Variants in GPC5 observed in about 807,000 individuals in gnomAD.
The protein encoded by GPC5 is glypican 5, also known as glypican-5.
A neutral mutation model predicts 53.9 loss-of-function variants in GPC5; 47 were observed. The observed-to-expected ratio is 0.87, with a 90% CI of 0.69 to 1.11. The LOEUF is 1.11. GPC5 is among the 50% of genes most tolerant of loss of function. GPC5 has a pLI of 0.00. For missense variants in GPC5, 748 were observed against 713.1 expected (o/e 1.05, Z -0.56); for synonymous variants, 286 against 263.3 (o/e 1.09, Z -0.84).
At chr13:92,572,400 C>T (rs550099718) in intron 7 of GPC5, among the ~76,000 whole-genome samples, 5 of 152,042 alleles carry the variant, frequency 3.3e-5, no homozygotes, top group Middle Eastern at 3.2e-3. Flanking sequence ...TTTGGCCTTT[C>T]GCCAAAAGCT....
chr13:92,314,600 T>A (rs73629661), intron 7 of GPC5, among the ~76,000 whole-genome samples: 2 of 152,202 alleles, frequency 1.3e-5, no homozygotes, highest in Non-Finnish European at 2.9e-5. Context: ...ATTCCAGTCA[T>A]GTTGTGGGAC....
At chr13:92,396,515 T>A (rs1875281574) in intron 7 of GPC5, among the ~76,000 whole-genome samples, 1 of 151,964 alleles carries the variant, frequency 6.6e-6, no homozygotes, top group Non-Finnish European at 1.5e-5. Flanking sequence ...TTTTTTCATC[T>A]TAATGACTTT....
intron 6 of GPC5, among the ~76,000 whole-genome samples, chr13:92,045,674 T>G (rs2040976484): frequency 6.6e-6 from 1 of 152,086 alleles, no homozygotes; most frequent in South Asian, 2.1e-4. Flanking sequence ...CTGAGGAGGA[T>G]TTATAATTAA....
At chr13:92,125,924 G>GTTT (rs1190169532) in intron 6 of GPC5, among the ~76,000 whole-genome samples, 2 of 75,820 alleles carry the variant, frequency 2.6e-5, no homozygotes, top group African/African-American at 1.1e-4. Context: ...TTGTTTTTTG[G>GTTT]TTTTTTTTTT....
chr13:92,573,037 T>C (rs1883080378), intron 7 of GPC5, among the ~76,000 whole-genome samples: 1 of 152,246 alleles, frequency 6.6e-6, no homozygotes, highest in Non-Finnish European at 1.5e-5. Context: ...ACTTTACCAA[T>C]AATTGTTCTC....
At chr13:92,551,539 G>A (rs9523712) in intron 7 of GPC5, among the ~76,000 whole-genome samples, 8,012 of 151,888 alleles carry the variant, frequency 0.053, 317 homozygotes, top group Non-Finnish European at 0.087. Flanking sequence ...TTCATCTGAA[G>A]GAGCTATTAA....
At chr13:92,342,873 GTATT>G in intron 7 of GPC5, among the ~76,000 whole-genome samples, 2 of 152,120 alleles carry the variant, frequency 1.3e-5, no homozygotes, top group East Asian at 3.9e-4. Context: ...TCTCTTCAGT[GTATT>G]TATTTAGATC....
chr13:92,777,399 C>A (rs1291826061), intron 7 of GPC5, among the ~76,000 whole-genome samples: 1 of 150,124 alleles, frequency 6.7e-6, no homozygotes, highest in Non-Finnish European at 1.5e-5. Context: ...CTTTGGGAGG[C>A]CAAGGCAGGC....
In GPC5 at chr13:92,856,596, C is replaced by A. The variant is rs74382847; in HGVS notation, c.1562-9686C>A. On this transcript the variant is annotated intron_variant, in intron 7 of 7. Transcript: ENST00000377067. ...TATGCCTAAAAAATTCTAAAGAATG[C>A]CAAAAGTCTCCTAAACCTGATAAGC... 6.4e-3 allele frequency among the ~76,000 whole-genome samples: 973 copies of A among 152,068 alleles called. 14 individuals carry two copies. The highest frequency in any genetic ancestry group is 0.022 in the African/African-American group (922 of 41,516).
intron 3 of GPC5, among the ~76,000 whole-genome samples, chr13:91,698,874 CAAT>C (rs1419890370): frequency 1.3e-5 from 2 of 152,072 alleles, no homozygotes; most frequent in Non-Finnish European, 2.9e-5. Flanking sequence ...GACACTTTCA[CAAT>C]AATAAGAAGG....
intron 7 of GPC5, among the ~76,000 whole-genome samples, chr13:92,640,108 C>G (rs1318167026): frequency 6.6e-6 from 1 of 151,420 alleles, no homozygotes; most frequent in East Asian, 1.9e-4. Context: ...TATGTATGCA[C>G]AATATACATA....
Position 92,773,489 on chromosome 13 carries a change from A to C in GPC5, c.1562-92793A>C, listed in dbSNP as rs187710415. Among the ~76,000 whole-genome samples, 127 of 152,328 alleles carry C rather than the reference A, an allele frequency of 8.3e-4. 4 individuals are homozygous for C. Among genetic ancestry groups the C allele is most frequent in the Non-Finnish European group, 1.6e-4 (11 of 68,028 alleles). ...CCTGAATAAAGGATTTCTTCTACTG[A>C]GATTTTCAGACATATCCAATGATTA... On this transcript the variant is annotated intron_variant, in intron 7 of 7. Coordinates refer to ENST00000377067, the MANE Select transcript of GPC5 (RefSeq NM_004466.6).
At chr13:91,917,064 A>T (rs543304586) in intron 6 of GPC5, among the ~76,000 whole-genome samples, 1 of 152,294 alleles carries the variant, frequency 6.6e-6, no homozygotes, top group East Asian at 1.9e-4. Flanking sequence ...TTAACCCAAA[A>T]GTCCAAGTCC....
In GPC5 at chr13:92,026,748, G is replaced by A. The variant is rs116818645; in HGVS notation, c.1402-118082G>A. Among the ~76,000 whole-genome samples the A allele has an allele frequency of 5.2e-3, 786 of 152,070 alleles. 11 individuals carry two copies. Among genetic ancestry groups the A allele is most frequent in the African/African-American group, 0.017 (720 of 41,520 alleles). On this transcript the variant is annotated intron_variant, in intron 6 of 7. Transcript: ENST00000377067. ...TTATTGGTGAAAACTGATATTAGTTGGAAACACTGTATTGGTGGCTAGATA... is the reference window on the plus strand; with the variant it reads ...TTATTGGTGAAAACTGATATTAGTTAGAAACACTGTATTGGTGGCTAGATA...
chr13:91,874,186 A>T (rs980058984), intron 5 of GPC5, among the ~76,000 whole-genome samples: 1 of 152,166 alleles, frequency 6.6e-6, no homozygotes, highest in African/African-American at 2.4e-5. Flanking sequence ...CCTGTCCTAG[A>T]CTATTAATAT....
chr13:92,607,568 T>A (rs1884296365), intron 7 of GPC5, among the ~76,000 whole-genome samples: 1 of 152,164 alleles, frequency 6.6e-6, no homozygotes, highest in Non-Finnish European at 1.5e-5. Context: ...AATTTTCTAT[T>A]TCAGTCCAAC....
chr13:91,540,490 C>T (rs9589285), intron 2 of GPC5, among the ~76,000 whole-genome samples: 4 of 152,242 alleles, frequency 2.6e-5, no homozygotes, highest in South Asian at 2.1e-4. Flanking sequence ...GACTGCTAAC[C>T]GATACAGGGT....
chr13:92,851,307 T>C (rs1355023099), intron 7 of GPC5, among the ~76,000 whole-genome samples: 6 of 146,916 alleles, frequency 4.1e-5, no homozygotes, highest in Non-Finnish European at 9.1e-5. Flanking sequence ...CTATAAAAAA[T>C]ACTGACATCT....
intron 2 of GPC5, among the ~76,000 whole-genome samples, chr13:91,485,238 G>A (rs1950230188): frequency 7.1e-6 from 1 of 140,990 alleles, no homozygotes; most frequent in Non-Finnish European, 1.5e-5. Context: ...TTGAGACAGA[G>A]TCTTGTTCTT....
Sources: allele counts gnomAD v4.1 joint callset (sites outside exome capture counted in the v4.1 genomes callset), GRCh38; gene constraint gnomAD v4.1.1; transcripts MANE v1.5; gene names NCBI Gene and HGNC (gene_info 2026-07-23, HGNC 2026-07-21).